ICE2: variants seen among roughly 807,000 people sequenced by gnomAD.
ICE2 encodes the protein interactor of little elongation complex ELL subunit 2, also known as little elongation complex subunit 2.
In ICE2, 87 loss-of-function variants were observed where a neutral mutation model predicts 105.4. That is an observed-to-expected ratio of 0.83 (90% confidence interval 0.69 to 0.99). ICE2 has a LOEUF of 0.99. Among genes scored for constraint, ICE2 ranks in the 50% least tolerant of loss-of-function variants. The pLI, the probability that ICE2 is intolerant of heterozygous loss-of-function variation, is 0.00. For missense variants in ICE2, 1,323 were observed against 1,146.7 expected (o/e 1.15, Z -2.22); for synonymous variants, 399 against 392.0 (o/e 1.02, Z -0.21).
Position 60,454,932 on chromosome 15 carries a change from A to G in ICE2, c.943+71T>C, listed in dbSNP as rs1395988306. ...CATGTGTTCTCATTGTTCAACTCCT[A>G]TTTATGAGTGAGAACATGCAGTCCA... is the stretch of plus-strand genomic sequence containing the variant. On this transcript the variant is annotated intron_variant, in intron 8 of 15. Transcript: ENST00000261520. 3.0e-6 allele frequency: 4 copies of G among 1,346,312 alleles called. No individual in the cohort carries two copies. In the African/African-American group the frequency reaches 4.5e-5, roughly 15 times the overall value. 83.4% of individuals were successfully genotyped at this position (1,346,312 alleles called of 1,614,324 possible).
Position 60,454,127 on chromosome 15 carries a change from T to G in ICE2, c.944-343A>C, listed in dbSNP as rs533295307. Among the ~76,000 whole-genome samples the G allele has an allele frequency of 2.6e-5, 4 of 152,338 alleles. No homozygotes were observed. In the East Asian group the frequency reaches 7.7e-4, roughly 29 times the overall value. ...CCACATAGAATATATTACATTTAAC[T>G]CTAATTTGTAGTTTTGTTTCAATAG... On this transcript the variant is annotated intron_variant, in intron 8 of 15. Coordinates refer to ENST00000261520, the MANE Select transcript of ICE2 (RefSeq NM_024611.6).
rs1052002136 is a variant in ICE2 at position 60,420,888 on chromosome 15, G to A, written c.*2746C>T. On this transcript the variant is annotated 3_prime_UTR_variant, in exon 16 of 16. Transcript: ENST00000261520. ...ACATTCATGCATCTAACTAATATCTGCTAAGCAACTACATGACAGGCACTG... is the reference window on the plus strand; with the variant it reads ...ACATTCATGCATCTAACTAATATCTACTAAGCAACTACATGACAGGCACTG... The A allele has an allele frequency of 3.9e-5, 6 of 152,128 alleles. No individual in the cohort carries two copies. The highest frequency in any genetic ancestry group is 1.4e-4 in the African/African-American group (6 of 41,412). 9.4% of individuals were successfully genotyped at this position (152,128 alleles called of 1,614,324 possible). A position where few individuals can be genotyped will look rare whatever the true frequency, so the allele number is the denominator to read the frequency against.
At chr15:60,475,523 G>C (rs1298666877) in intron 3 of ICE2, among the ~76,000 whole-genome samples, 2 of 152,060 alleles carry the variant, frequency 1.3e-5, no homozygotes, top group African/African-American at 4.8e-5. Context: ...TGAATTAAAA[G>C]TACATCTATA....
At chr15:60,466,536 A>G in intron 5 of ICE2, 58 bp downstream of exon 5, 1 of 1,586,310 alleles carries the variant, frequency 6.3e-7, no homozygotes, top group Non-Finnish European at 8.6e-7. Context: ...CACATATTTC[A>G]GAATGCTGCT....
intron 14 of ICE2, among the ~76,000 whole-genome samples, chr15:60,429,354 T>A (rs959625743): frequency 6.6e-6 from 1 of 152,252 alleles, no homozygotes; most frequent in African/African-American, 2.4e-5. Flanking sequence ...GCTAAGCAAT[T>A]TGCCCAAAGT....
chr15:60,475,206 G>T (rs1433818409), intron 3 of ICE2, among the ~76,000 whole-genome samples: 1 of 151,996 alleles, frequency 6.6e-6, no homozygotes, highest in Non-Finnish European at 1.5e-5. Context: ...CTTGGTTTCC[G>T]GATTCATCAA....
chr15:60,476,127 G>A lies in ICE2; in HGVS notation c.82C>T (p.Arg28Ter), dbSNP rs747136100. ...ATGGAATGATCTTTATAATTTTCTCGAGAGAAAAATGTCTTAAGGCCATTT... is the reference window on the plus strand; with the variant it reads ...ATGGAATGATCTTTATAATTTTCTCAAGAGAAAAATGTCTTAAGGCCATTT... Reference protein sequence around the residue: ...PKNGLKTFFSRENYKDHSMAP... With the variant: ...PKNGLKTFFS The change falls in exon 3 of 16, where the codon CGA becomes TGA. Residue 28 changes from arginine (R) to a stop codon, truncating the protein, a stop_gained. Transcript: ENST00000261520. LOFTEE classifies it high-confidence loss of function. 8 of 1,606,360 alleles carry A rather than the reference G, an allele frequency of 5.0e-6. No individual in the cohort carries two copies. The South Asian group carries it at 5.6e-5, about 11-fold the overall frequency.
chr15:60,464,773 T>C (rs888152841), intron 5 of ICE2, among the ~76,000 whole-genome samples: 1 of 152,168 alleles, frequency 6.6e-6, no homozygotes, highest in African/African-American at 2.4e-5. Context: ...ATCCCAGCAC[T>C]CTGAGAGGCT....
At chr15:60,432,608 G>A (rs2141004315) in intron 13 of ICE2, among the ~76,000 whole-genome samples, 1 of 151,490 alleles carries the variant, frequency 6.6e-6, no homozygotes, top group East Asian at 2.0e-4. Context: ...AAAAAAAAAC[G>A]CTGGCCGGGT....
At chr15:60,466,865 G>GCAGT in intron 4 of ICE2, 152 bp from the exon 5 acceptor site, 1 of 659,700 alleles carries the variant, frequency 1.5e-6, no homozygotes, top group Non-Finnish European at 2.5e-6. Context: ...AAATTATTAT[G>GCAGT]CAGTAATGAT....
intron 13 of ICE2, among the ~76,000 whole-genome samples, chr15:60,434,843 T>C (rs1249814518): frequency 1.3e-5 from 2 of 152,152 alleles, no homozygotes; most frequent in Non-Finnish European, 2.9e-5. Context: ...AGTAGAGAAA[T>C]TACAGTTCAT....
At chr15:60,456,621 A>G (rs376787104) in intron 6 of ICE2, 36 bp downstream of exon 6, 84 of 1,333,884 alleles carry the variant, frequency 6.3e-5, no homozygotes, top group Non-Finnish European at 8.2e-5. Context: ...TATTTCAGAC[A>G]AAAAAAAGCT....
At chr15:60,432,660 A>G (rs2063488147) in intron 13 of ICE2, among the ~76,000 whole-genome samples, 1 of 151,998 alleles carries the variant, frequency 6.6e-6, no homozygotes, top group Admixed American at 6.5e-5. Context: ...TGGGAGGCCA[A>G]GACGGGCAGA....
chr15:60,465,750 C>CTTTTTTT (rs201899350), intron 5 of ICE2, among the ~76,000 whole-genome samples: 6 of 126,992 alleles, frequency 4.7e-5, no homozygotes, highest in South Asian at 2.6e-4. Flanking sequence ...ATACTTTATT[C>CTTTTTTT]TTTTTTTTTT....
chr15:60,469,607 T>A (rs979915531), intron 3 of ICE2, among the ~76,000 whole-genome samples: 5 of 152,238 alleles, frequency 3.3e-5, no homozygotes, highest in African/African-American at 1.2e-4. Context: ...ACCTTTGTTA[T>A]TCATCTTTCA....
At chr15:60,437,377 C>T (rs1484428724) in intron 12 of ICE2, among the ~76,000 whole-genome samples, 4 of 151,730 alleles carry the variant, frequency 2.6e-5, no homozygotes, top group Non-Finnish European at 5.9e-5. Context: ...TCTTGTTGCC[C>T]AGGCTGGAGT....
chr15:60,442,791 C>A, intron 11 of ICE2: 1 of 292,240 alleles, frequency 3.4e-6, no homozygotes, highest in Non-Finnish European at 6.2e-6. Context: ...TGACCAAAAT[C>A]AACATACCTC....
chr15:60,428,377 T>C (rs112034392), intron 15 of ICE2, 52 bp downstream of exon 15: 133 of 1,555,666 alleles, frequency 8.5e-5, no homozygotes, highest in Non-Finnish European at 1.1e-4. Flanking sequence ...GTCAGTGAAA[T>C]AGACGAATAA....
chr15:60,436,720 C>CAAGAAAAA (rs2063598682), intron 12 of ICE2, among the ~76,000 whole-genome samples: 1 of 88,014 alleles, frequency 1.1e-5, no homozygotes, highest in African/African-American at 4.4e-5. Context: ...GACTCTGTCT[C>CAAGAAAAA]AAAAAAAAAA....
Sources: gnomAD v4.1 joint callset for allele counts (sites outside exome capture counted in the v4.1 genomes callset) on GRCh38, gnomAD v4.1.1 for gene constraint, MANE v1.5 for transcripts, NCBI Gene and HGNC (gene_info 2026-07-23, HGNC 2026-07-21) for gene names.